Variants in ANKRD30A observed in about 807,000 individuals in gnomAD.
ANKRD30A encodes the protein ankyrin repeat domain 30A.
Under a neutral mutation model 166.3 loss-of-function variants are expected in ANKRD30A, and 170 were observed. That is an observed-to-expected ratio of 1.02 (90% CI 0.90 to 1.16). The LOEUF (loss-of-function observed/expected upper bound fraction) is 1.16. ANKRD30A is among the 50% of genes most tolerant of loss of function. ANKRD30A has a pLI of 0.00. For missense variants in ANKRD30A, 1,630 were observed against 1,518.0 expected (o/e 1.07, Z -1.23); for synonymous variants, 564 against 508.9 (o/e 1.11, Z -1.46).
intron 29 of ANKRD30A, among the ~76,000 whole-genome samples, chr10:37,198,657 A>C (rs1357344200): frequency 6.6e-6 from 1 of 152,100 alleles, no homozygotes; most frequent in African/African-American, 2.4e-5. Context: ...AAAATGAGTG[A>C]AAACGGTGGC....
the ANKRD30A span, among the ~76,000 whole-genome samples, chr10:37,244,746 C>G: frequency 1.3e-5 from 2 of 152,206 alleles, no homozygotes; most frequent in African/African-American, 2.4e-5. Context: ...CTGTCCTTCT[C>G]CATCTCTGCA....
At chr10:37,179,741 A>G (rs1216200534) in intron 24 of ANKRD30A, among the ~76,000 whole-genome samples, 1 of 132,874 alleles carries the variant, frequency 7.5e-6, no homozygotes. Flanking sequence ...TGCCTTAAAG[A>G]CACATGGTGT....
At chr10:37,165,606 G>C (rs918400624) in intron 18 of ANKRD30A, among the ~76,000 whole-genome samples, 1 of 151,908 alleles carries the variant, frequency 6.6e-6, no homozygotes, top group African/African-American at 2.4e-5. Context: ...TGAACATATT[G>C]ACATATCTTT....
At chr10:37,132,184 G>A in intron 3 of ANKRD30A, 56 bp from the exon 4 acceptor site, 1 of 1,258,628 alleles carries the variant, frequency 7.9e-7, no homozygotes, top group Non-Finnish European at 1.1e-6. Context: ...AAGGTATTCA[G>A]TTCAGCTGAG....
intron 6 of ANKRD30A, among the ~76,000 whole-genome samples, chr10:37,138,790 T>A (rs1836898177): frequency 6.6e-6 from 1 of 152,178 alleles, no homozygotes; most frequent in Non-Finnish European, 1.5e-5. Context: ...GGAACCAAGT[T>A]GGAAAACACT....
chr10:37,264,963 T>C, the ANKRD30A span, among the ~76,000 whole-genome samples: 4 of 152,196 alleles, frequency 2.6e-5, no homozygotes, highest in African/African-American at 9.7e-5. Context: ...TATGGCCCTT[T>C]GGAAACTGGA....
At chr10:37,167,215 A>G (rs1839423465) in intron 19 of ANKRD30A, among the ~76,000 whole-genome samples, 1 of 149,852 alleles carries the variant, frequency 6.7e-6, no homozygotes, top group Non-Finnish European at 1.5e-5. Flanking sequence ...AGACTACTGG[A>G]ATCATGAGGA....
At chr10:37,213,267 A>G (rs1196415846) in intron 31 of ANKRD30A, among the ~76,000 whole-genome samples, 2 of 151,862 alleles carry the variant, frequency 1.3e-5, no homozygotes, top group African/African-American at 2.4e-5. Context: ...TGATGTCTGA[A>G]TAGGTACCAC....
At chr10:37,257,776 T>G in the ANKRD30A span, among the ~76,000 whole-genome samples, 1 of 152,200 alleles carries the variant, frequency 6.6e-6, no homozygotes, top group Non-Finnish European at 1.5e-5. Context: ...CATGGAATAC[T>G]ATGCAGACAT....
intron 15 of ANKRD30A, among the ~76,000 whole-genome samples, chr10:37,160,136 A>C (rs1838739650): frequency 6.6e-6 from 1 of 152,238 alleles, no homozygotes; most frequent in African/African-American, 2.4e-5. Flanking sequence ...TTGCCATGTT[A>C]ATTCTAAAAC....
At chr10:37,152,272 T>C (rs11011050) in intron 12 of ANKRD30A, 151 bp downstream of exon 12, 45,592 of 666,240 alleles carry the variant, frequency 0.068, 4,117 homozygotes, top group East Asian at 0.41. Flanking sequence ...GGAGAATCTA[T>C]GTGCTAAGTA....
intron 21 of ANKRD30A, among the ~76,000 whole-genome samples, chr10:37,171,544 G>A (rs1412734325): frequency 1.3e-5 from 2 of 151,520 alleles, no homozygotes; most frequent in Non-Finnish European, 2.9e-5. Flanking sequence ...AAACATTATG[G>A]CCCCCGGTGT....
At chr10:37,162,890 T>A in intron 17 of ANKRD30A, 42 bp downstream of exon 17, 2 of 1,594,884 alleles carry the variant, frequency 1.3e-6, no homozygotes, top group Non-Finnish European at 1.7e-6. Context: ...AATATTTCAA[T>A]ATTGGACATT....
In ANKRD30A at chr10:37,147,366, A is replaced by G; in HGVS notation, c.1456-4A>G. 1 of 1,565,998 alleles carries G rather than the reference A, an allele frequency of 6.4e-7. No individual in the cohort carries two copies. Among genetic ancestry groups the G allele is most frequent in the East Asian group, 2.3e-5 (1 of 44,114 alleles). ...AAATTATCTATTGATACTACTTTTA[A>G]CAGAGTCTCTTTGAGAGTTCTGCAA... On this transcript the variant is annotated splice_region_variant and splice_polypyrimidine_tract_variant and intron_variant, in intron 8 of 35. Transcript: ENST00000361713.
chr10:37,146,729 G>A (rs907868069), intron 8 of ANKRD30A, among the ~76,000 whole-genome samples: 2 of 152,128 alleles, frequency 1.3e-5, no homozygotes, highest in Non-Finnish European at 2.9e-5. Context: ...TGGACTTCCT[G>A]GGGTAGTCCT....
At chr10:37,227,643 T>G (rs1843221106) in intron 34 of ANKRD30A, among the ~76,000 whole-genome samples, 1 of 151,980 alleles carries the variant, frequency 6.6e-6, no homozygotes, top group South Asian at 2.1e-4. Flanking sequence ...GGCCAGCTTA[T>G]GCACTGCTGA....
At chr10:37,200,388 C>G (rs2132690094) in intron 30 of ANKRD30A, among the ~76,000 whole-genome samples, 1 of 152,088 alleles carries the variant, frequency 6.6e-6, no homozygotes, top group East Asian at 1.9e-4. Flanking sequence ...ACAAATGGAA[C>G]TCCTTGAGTC....
chr10:37,141,191 A>G lies in ANKRD30A; in HGVS notation c.821-527A>G, dbSNP rs190443320. ...TGTGCCAGAACCCCTTTGGAAGCTT[A>G]TAATTATTACTTATTATGTCATGTC... On this transcript the variant is annotated intron_variant, in intron 6 of 35. Transcript: ENST00000361713. 7.0e-4 allele frequency among the ~76,000 whole-genome samples: 106 copies of G among 152,242 alleles called. 2 individuals are homozygous for G. In the East Asian group the frequency reaches 0.019, roughly 28 times the overall value.
chr10:37,147,174 G>C (rs1461276852), intron 8 of ANKRD30A, among the ~76,000 whole-genome samples, 196 bp from the exon 9 acceptor site: 2 of 152,216 alleles, frequency 1.3e-5, no homozygotes, highest in African/African-American at 4.8e-5. Context: ...ATAGCTGCAT[G>C]AAGATAACAG....
Sources: gnomAD v4.1 joint callset for allele counts (sites outside exome capture counted in the v4.1 genomes callset) on GRCh38, gnomAD v4.1.1 for gene constraint, MANE v1.5 for transcripts, NCBI Gene and HGNC (gene_info 2026-07-23, HGNC 2026-07-21) for gene names.